Variants in SOX30 observed in about 807,000 individuals in gnomAD.
SOX30 encodes the protein transcription factor SOX-30.
In SOX30, 17 loss-of-function variants were observed where a neutral mutation model predicts 58.6. The observed-to-expected ratio is 0.29, with a 90% CI of 0.20 to 0.44. SOX30 has a LOEUF of 0.44. Ranked by LOEUF, SOX30 falls within the 20% of genes least tolerant of loss-of-function variation. The pLI, the probability that SOX30 is intolerant of heterozygous loss-of-function variation, is 1.00. For missense variants in SOX30, 951 were observed against 965.8 expected, an observed-to-expected ratio of 0.98 and a Z score of 0.20; for synonymous variants, 421 against 400.2, an observed-to-expected ratio of 1.05 and a Z score of -0.62.
intron 2 of SOX30, among the ~76,000 whole-genome samples, chr5:157,662,058 A>T (rs574715541): frequency 6.6e-6 from 1 of 152,336 alleles, no homozygotes; most frequent in Admixed American, 6.5e-5. Context: ...TGCAAATTGT[A>T]TAATTTCTTT....
chr5:157,648,941 C>T lies in SOX30; in HGVS notation c.968-45G>A, dbSNP rs1229453940. ...AGGCTAAATTAATGTGCCATACACA[C>T]ACACACACACAATTTTAAGGTAAAG... On this transcript the variant is annotated intron_variant, in intron 1 of 4. Coordinates refer to ENST00000265007, the MANE Select transcript of SOX30 (RefSeq NM_178424.2). 5 of 1,546,362 alleles carry T rather than the reference C, an allele frequency of 3.2e-6. No homozygotes were observed. In the South Asian group the frequency reaches 6.1e-5, roughly 19 times the overall value.
chr5:157,653,156 A>G (rs1216896286), upstream of SOX30, among the ~76,000 whole-genome samples: 1 of 151,986 alleles, frequency 6.6e-6, no homozygotes, highest in African/African-American at 2.4e-5. Flanking sequence ...TCAGCATGCT[A>G]CTCTTTCCTT....
chr5:157,649,532 G>C (rs1759276503), intron 1 of SOX30, among the ~76,000 whole-genome samples: 1 of 152,228 alleles, frequency 6.6e-6, no homozygotes, highest in African/African-American at 2.4e-5. Context: ...GCTCACGCCT[G>C]TAATCCCAGC....
chr5:157,637,195 C>G (rs1278975844), intron 4 of SOX30, among the ~76,000 whole-genome samples: 2 of 151,298 alleles, frequency 1.3e-5, no homozygotes, highest in African/African-American at 4.9e-5. Flanking sequence ...CAAAATACTT[C>G]CAAGGGAGTT....
chr5:157,653,098 AT>A (rs1328732385), upstream of SOX30, among the ~76,000 whole-genome samples: 1 of 152,206 alleles, frequency 6.6e-6, no homozygotes, highest in Non-Finnish European at 1.5e-5. Context: ...TTTCAGCCAC[AT>A]TGGCCCCATC....
intron 2 of SOX30, among the ~76,000 whole-genome samples, chr5:157,659,696 C>T (rs1759542166): frequency 6.6e-6 from 1 of 152,194 alleles, no homozygotes; most frequent in South Asian, 2.1e-4. Context: ...CCAAGGTGGT[C>T]AGGCTACAGC....
chr5:157,649,804 T>C (rs1294106001), intron 1 of SOX30, among the ~76,000 whole-genome samples: 2 of 152,124 alleles, frequency 1.3e-5, no homozygotes, highest in Non-Finnish European at 2.9e-5. Flanking sequence ...AAATAATTTT[T>C]TGAAAGTCAC....
intron 2 of SOX30, among the ~76,000 whole-genome samples, chr5:157,666,241 A>G (rs1250640302): frequency 6.6e-6 from 1 of 151,950 alleles, no homozygotes; most frequent in Admixed American, 6.6e-5. Context: ...TGTATTCTTG[A>G]CTTCCTGGGC....
chr5:157,668,569 C>T (rs913837378), intron 1 of SOX30, among the ~76,000 whole-genome samples: 2 of 152,102 alleles, frequency 1.3e-5, no homozygotes, highest in Admixed American at 6.6e-5. Context: ...CTCATCCATC[C>T]GTCCATCCAT....
chr5:157,657,411 G>A (rs1337543409), upstream of SOX30, among the ~76,000 whole-genome samples: 1 of 152,114 alleles, frequency 6.6e-6, no homozygotes, highest in African/African-American at 2.4e-5. Context: ...CTCTTCAAAA[G>A]TTGGTTTATA....
At chr5:157,648,575 G>T in intron 2 of SOX30, 82 bp downstream of exon 2, 4 of 1,286,848 alleles carry the variant, frequency 3.1e-6, no homozygotes, top group South Asian at 2.9e-5. Context: ...ATATATTTTT[G>T]TCTTTCAATC....
At chr5:157,655,217 T>TG (rs929892902), upstream of SOX30, among the ~76,000 whole-genome samples, 2 of 152,072 alleles carry the variant, frequency 1.3e-5, no homozygotes, top group African/African-American at 4.8e-5. Flanking sequence ...AGGCTAACTT[T>TG]GGGTAAGTGG....
chr5:157,630,079 T>G (rs1055432213), intron 4 of SOX30, among the ~76,000 whole-genome samples: 1 of 152,244 alleles, frequency 6.6e-6, no homozygotes, highest in Admixed American at 6.5e-5. Context: ...TATTTCAATG[T>G]ATGATTGGTA....
chr5:157,633,499 T>C (rs527252698), intron 4 of SOX30, among the ~76,000 whole-genome samples: 1 of 152,212 alleles, frequency 6.6e-6, no homozygotes, highest in Non-Finnish European at 1.5e-5. Context: ...AAATTTAACA[T>C]TTCTAGGTAG....
At chr5:157,632,035 C>T (rs543658622) in intron 4 of SOX30, among the ~76,000 whole-genome samples, 56 of 94,036 alleles carry the variant, frequency 6.0e-4, no homozygotes, top group African/African-American at 3.7e-3. Context: ...ACAGCAAGAC[C>T]CACCCCGTAA....
intron 2 of SOX30, among the ~76,000 whole-genome samples, chr5:157,665,686 T>A (rs958434146): frequency 6.8e-6 from 1 of 147,630 alleles, no homozygotes; most frequent in Non-Finnish European, 1.5e-5. Context: ...TAAATAATTA[T>A]AATTTATAAT....
chr5:157,656,947 A>C (rs1298359214), upstream of SOX30, among the ~76,000 whole-genome samples: 1 of 152,242 alleles, frequency 6.6e-6, no homozygotes, highest in East Asian at 1.9e-4. Context: ...TTTTTAGAGC[A>C]AAAACCTGCT....
chr5:157,640,844 TC>T (rs1172577708), intron 3 of SOX30, among the ~76,000 whole-genome samples: 6 of 152,280 alleles, frequency 3.9e-5, no homozygotes, highest in Admixed American at 1.3e-4. Context: ...CACCCTGCAC[TC>T]CACCTCGCAT....
At chr5:157,631,855 A>G (rs1758818999) in intron 4 of SOX30, among the ~76,000 whole-genome samples, 1 of 151,332 alleles carries the variant, frequency 6.6e-6, no homozygotes, top group Non-Finnish European at 1.5e-5. Flanking sequence ...CAGCCTAGGC[A>G]ACAAAGTGAG....
Sources: allele counts gnomAD v4.1 joint callset (sites outside exome capture counted in the v4.1 genomes callset), GRCh38; gene constraint gnomAD v4.1.1; transcripts MANE v1.5; gene names NCBI Gene and HGNC (gene_info 2026-07-23, HGNC 2026-07-21).